MAN1A2: variants seen among roughly 807,000 people sequenced by gnomAD.
MAN1A2 encodes mannosidase alpha class 1A member 2, also known as mannosyl-oligosaccharide 1,2-alpha-mannosidase IB.
A neutral mutation model predicts 75.7 loss-of-function variants in MAN1A2; 26 were observed. The observed-to-expected ratio is 0.34, with a 90% CI of 0.25 to 0.48. The LOEUF (loss-of-function observed/expected upper bound fraction) is 0.48. Among genes scored for constraint, MAN1A2 ranks in the 20% least tolerant of loss-of-function variants. MAN1A2 has a pLI of 0.99. For synonymous variants in MAN1A2, 247 were observed against 264.6 expected (o/e 0.93, Z 0.65); for missense variants, 562 against 775.5 (o/e 0.72, Z 3.27).
chr1:117,458,523 A>ATATTTTTTTTTT (rs1553236643), intron 6 of MAN1A2, among the ~76,000 whole-genome samples: 3 of 105,608 alleles, frequency 2.8e-5, no homozygotes, highest in Non-Finnish European at 6.0e-5. Flanking sequence ...ATATATATAT[A>ATATTTTTTTTTT]TTTTTTTTTT....
At chr1:117,414,888 T>C (rs1053218920) in intron 4 of MAN1A2, 57 bp downstream of exon 4, 17 of 1,030,802 alleles carry the variant, frequency 1.6e-5, no homozygotes. Context: ...ACACAATGTC[T>C]AACTGCTATG....
chr1:117,394,221 A>G (rs1190912537), intron 1 of MAN1A2, among the ~76,000 whole-genome samples: 1 of 151,978 alleles, frequency 6.6e-6, no homozygotes, highest in East Asian at 1.9e-4. Context: ...AGCTGGGACT[A>G]CAGGCACCCG....
chr1:117,507,121 G>A (rs1651398688), intron 12 of MAN1A2, among the ~76,000 whole-genome samples: 1 of 151,520 alleles, frequency 6.6e-6, no homozygotes, highest in Non-Finnish European at 1.5e-5. Context: ...TCCAAAAATA[G>A]AAGGATATGT....
intron 12 of MAN1A2, 90 bp from the exon 13 acceptor site, chr1:117,522,735 T>G: frequency 1.8e-6 from 2 of 1,105,428 alleles, no homozygotes; most frequent in Non-Finnish European, 2.7e-6. Flanking sequence ...TCAAAATACG[T>G]TATTGGTTTT....
At chr1:117,389,497 C>G (rs1653649419) in intron 1 of MAN1A2, among the ~76,000 whole-genome samples, 1 of 152,154 alleles carries the variant, frequency 6.6e-6, no homozygotes, top group Admixed American at 6.5e-5. Context: ...GCTTGCACAG[C>G]TCACCTCCTG....
Position 117,526,874 on chromosome 1 carries a change from CTCTCTCTATA to C in MAN1A2, c.*3919_*3928del, listed in dbSNP as rs1321347555. 125 of 73,956 alleles carry C rather than the reference CTCTCTCTATA, an allele frequency of 1.7e-3. No homozygotes were observed. Among genetic ancestry groups the C allele is most frequent in the African/African-American group, 3.4e-3 (64 of 18,562 alleles). 4.6% of individuals were successfully genotyped at this position (73,956 alleles called of 1,614,324 possible). Reference sequence around the variant, plus strand: ...TCTCTCTCTCTCTCTCTCTCTCTCTCTCTCTCTATATATATATATATATATATATATATAT... The same window carrying C: ...TCTCTCTCTCTCTCTCTCTCTCTCTCTATATATATATATATATATATATAT... On this transcript the variant is annotated 3_prime_UTR_variant, in exon 13 of 13. Transcript: ENST00000356554.
chr1:117,494,160 A>T (rs554971493), intron 9 of MAN1A2: 1 of 152,222 alleles, frequency 6.6e-6, no homozygotes, highest in African/African-American at 2.4e-5. Flanking sequence ...CTGGCTGCCG[A>T]GCCAGTGTTT....
At chr1:117,382,529 C>G (rs1196943088) in intron 1 of MAN1A2, among the ~76,000 whole-genome samples, 1 of 152,114 alleles carries the variant, frequency 6.6e-6, no homozygotes, top group Admixed American at 6.5e-5. Context: ...CTGTTCTGTT[C>G]CATTGATCTA....
chr1:117,453,720 A>T (rs10399934), intron 6 of MAN1A2, among the ~76,000 whole-genome samples: 1 of 152,076 alleles, frequency 6.6e-6, no homozygotes, highest in African/African-American at 2.4e-5. Flanking sequence ...AACTTAGTTG[A>T]TGCAGCCAGT....
At chr1:117,451,815 C>G (rs1038224416) in intron 6 of MAN1A2, among the ~76,000 whole-genome samples, 4 of 152,108 alleles carry the variant, frequency 2.6e-5, no homozygotes, top group Admixed American at 2.0e-4. Flanking sequence ...TCAGGTATGT[C>G]TTTATCAGCA....
intron 8 of MAN1A2, among the ~76,000 whole-genome samples, chr1:117,473,611 T>C (rs1650227687): frequency 6.6e-6 from 1 of 152,036 alleles, no homozygotes; most frequent in Non-Finnish European, 1.5e-5. Flanking sequence ...CTGTCACTTG[T>C]TGAATCCATT....
At chr1:117,456,671 A>G (rs377702305) in intron 6 of MAN1A2, among the ~76,000 whole-genome samples, 3 of 152,046 alleles carry the variant, frequency 2.0e-5, no homozygotes, top group Non-Finnish European at 4.4e-5. Context: ...AAATTTTTGC[A>G]TATTAAAATG....
intron 12 of MAN1A2, among the ~76,000 whole-genome samples, chr1:117,517,268 C>G (rs1306697673): frequency 6.6e-6 from 1 of 152,156 alleles, no homozygotes; most frequent in Non-Finnish European, 1.5e-5. Flanking sequence ...TCTGTAATGT[C>G]TAGCATCTTA....
At position 117,496,837 on chromosome 1, in the gene MAN1A2, G is replaced by A; in HGVS notation, c.1359G>A (p.Leu453=). ...TTGGAGAATGGAAGAATGGGCACTT[G>A]GAAAAAAAGATGGGGCATTTGGCCT... The part of the protein sequence containing the change: ...TFIGEWKNGH[L]EKKMGHLACF... The change falls in exon 10 of 13, where the codon TTG becomes TTA. Residue 453 remains leucine, a synonymous_variant. Coordinates refer to ENST00000356554, the MANE Select transcript of MAN1A2 (RefSeq NM_006699.5). 1.2e-6 allele frequency: 2 copies of A among 1,612,692 alleles called. No homozygotes were observed. Among genetic ancestry groups the A allele is most frequent in the Non-Finnish European group, 1.7e-6 (2 of 1,179,210 alleles).
At chr1:117,404,402 C>T (rs1392562605) in intron 2 of MAN1A2, among the ~76,000 whole-genome samples, 4 of 152,174 alleles carry the variant, frequency 2.6e-5, no homozygotes, top group Non-Finnish European at 5.9e-5. Context: ...GTAAGACACT[C>T]AGCTCAAACT....
chr1:117,481,860 G>A (rs1000778315), intron 8 of MAN1A2, among the ~76,000 whole-genome samples: 3 of 151,948 alleles, frequency 2.0e-5, no homozygotes, highest in African/African-American at 7.2e-5. Context: ...TCAAAGGATG[G>A]AAATTTGTTT....
intron 6 of MAN1A2, among the ~76,000 whole-genome samples, chr1:117,445,107 T>TC (rs1012005355): frequency 1.3e-5 from 2 of 152,194 alleles, no homozygotes; most frequent in Non-Finnish European, 2.9e-5. Context: ...ATACTTTTTT[T>TC]CCATCTATGG....
chr1:117,428,814 A>C (rs1010799932), intron 5 of MAN1A2, among the ~76,000 whole-genome samples: 2 of 89,288 alleles, frequency 2.2e-5, no homozygotes, highest in East Asian at 6.7e-4. Context: ...TTTTAAATTT[A>C]TTTTTTTATT....
chr1:117,491,834 G>A (rs181736700), intron 8 of MAN1A2, among the ~76,000 whole-genome samples: 16 of 152,156 alleles, frequency 1.1e-4, no homozygotes, highest in Admixed American at 7.9e-4. Context: ...GTGATTTTGA[G>A]GGGTTCAAAC....
Sources: allele counts gnomAD v4.1 joint callset (sites outside exome capture counted in the v4.1 genomes callset), GRCh38; gene constraint gnomAD v4.1.1; transcripts MANE v1.5; gene names NCBI Gene and HGNC (gene_info 2026-07-23, HGNC 2026-07-21).